Variants in PTCHD4 observed in about 807,000 individuals in gnomAD.
The protein encoded by PTCHD4 is patched domain containing 4.
Under a neutral mutation model 58.1 loss-of-function variants are expected in PTCHD4, and 33 were observed. That is an observed-to-expected ratio of 0.57 (90% CI 0.43 to 0.76). The LOEUF (loss-of-function observed/expected upper bound fraction) is 0.76. Ranked by LOEUF, PTCHD4 falls within the 30% of genes least tolerant of loss-of-function variation. The probability of loss-of-function intolerance (pLI) is 0.00; values close to 1 mark genes in which losing one functional copy is unlikely to be tolerated. For missense variants in PTCHD4, 1,058 were observed against 1,027.1 expected, an observed-to-expected ratio of 1.03 and a Z score of -0.41; for synonymous variants, 478 against 409.6, an observed-to-expected ratio of 1.17 and a Z score of -2.02.
chr6:47,960,811 G>A (rs1767056288), intron 4 of PTCHD4, among the ~76,000 whole-genome samples: 1 of 151,744 alleles, frequency 6.6e-6, no homozygotes, highest in Non-Finnish European at 1.5e-5. Context: ...AAAAAGAACT[G>A]CAAAGAGATA....
intron 3 of PTCHD4, among the ~76,000 whole-genome samples, chr6:48,016,275 T>C (rs1762866429): frequency 6.6e-6 from 1 of 151,990 alleles, no homozygotes; most frequent in African/African-American, 2.4e-5. Context: ...CAGCAGGGCC[T>C]CTTCAGTAAA....
intron 4 of PTCHD4, among the ~76,000 whole-genome samples, chr6:47,942,040 G>T (rs991452846): frequency 2.0e-5 from 3 of 152,152 alleles, no homozygotes; most frequent in Admixed American, 6.6e-5. Flanking sequence ...TTTTCCCAGT[G>T]CAGGAAGCTC....
At chr6:47,966,159 C>A (rs1767283396) in intron 4 of PTCHD4, among the ~76,000 whole-genome samples, 1 of 152,130 alleles carries the variant, frequency 6.6e-6, no homozygotes, top group East Asian at 1.9e-4. Flanking sequence ...GTGAAAGATT[C>A]ATTTGGTCAT....
chr6:48,068,703 C>A lies in PTCHD4; in HGVS notation c.6-62G>T, dbSNP rs1327542950. The A allele has an allele frequency of 5.5e-6, 8 of 1,455,700 alleles. No homozygotes were observed. Among genetic ancestry groups the A allele is most frequent in the Admixed American group, 2.2e-5 (1 of 45,932 alleles). 90.2% of individuals were successfully genotyped at this position (1,455,700 alleles called of 1,614,324 possible). On this transcript the variant is annotated intron_variant, in intron 2 of 4. Transcript: ENST00000339488. The surrounding 1 kb of genome is among the most constrained non-coding windows in gnomAD (Gnocchi z 4.2). ...TACCCCGTTCTCCCCCATCCCACCC[C>A]CTGGGGCCAGTCCCCCCTCCCCACC...
At position 47,872,245 on chromosome 6, in the gene PTCHD4, C is replaced by T. The variant is rs530302000; in HGVS notation, c.*6058G>A. Among the ~76,000 whole-genome samples the T allele has an allele frequency of 2.0e-5, 3 of 151,728 alleles. No homozygotes were observed. The highest frequency in any genetic ancestry group is 1.9e-4 in the East Asian group (1 of 5,138). On this transcript the variant is annotated 3_prime_UTR_variant, in exon 5 of 5. Coordinates refer to ENST00000339488, the MANE Select transcript of PTCHD4 (RefSeq NM_001384253.1). ...TGAAAAGTTATACATTTTTATTAAA[C>T]ACCAGTAATCTTTCGTCCATGAGAG...
At chr6:47,886,298 T>TA (rs1764193958) in intron 4 of PTCHD4, among the ~76,000 whole-genome samples, 2 of 152,290 alleles carry the variant, frequency 1.3e-5, no homozygotes, top group South Asian at 4.1e-4. Flanking sequence ...TGCTCTCTAC[T>TA]GAGTTTTTCT....
intron 4 of PTCHD4, among the ~76,000 whole-genome samples, chr6:47,929,002 G>T (rs17659019): frequency 0.13 from 19,245 of 152,142 alleles, 1,511 homozygotes; most frequent in Non-Finnish European, 0.18. Flanking sequence ...CACATCTGAG[G>T]TATAGAGAAT....
At chr6:47,901,903 G>T (rs184808312) in intron 4 of PTCHD4, 12 of 1,303,282 alleles carry the variant, frequency 9.2e-6, no homozygotes, top group Admixed American at 9.2e-5. Context: ...AACTAAATTT[G>T]TTTCTAGCTT....
intron 4 of PTCHD4, among the ~76,000 whole-genome samples, chr6:47,944,156 A>C (rs1766334472): frequency 6.6e-6 from 1 of 152,042 alleles, no homozygotes; most frequent in African/African-American, 2.4e-5. Flanking sequence ...GCATGGTCTA[A>C]AATTAAATAT....
intron 3 of PTCHD4, among the ~76,000 whole-genome samples, chr6:48,055,522 A>G (rs1250865740): frequency 6.6e-6 from 1 of 152,208 alleles, no homozygotes; most frequent in Non-Finnish European, 1.5e-5. Flanking sequence ...GAGATACTCT[A>G]ATAAGATGTG....
intron 3 of PTCHD4, among the ~76,000 whole-genome samples, chr6:48,041,822 T>G (rs1289240029): frequency 6.6e-6 from 1 of 152,076 alleles, no homozygotes; most frequent in African/African-American, 2.4e-5. Flanking sequence ...CATCTTTATT[T>G]TCTTTTTTAC....
chr6:48,036,662 T>G (rs754920426), intron 3 of PTCHD4, among the ~76,000 whole-genome samples: 2 of 151,968 alleles, frequency 1.3e-5, no homozygotes, highest in Non-Finnish European at 2.9e-5. Flanking sequence ...AACACAAGAG[T>G]AGGGATGCTG....
At chr6:47,955,582 G>A (rs533849198) in intron 4 of PTCHD4, among the ~76,000 whole-genome samples, 2 of 152,166 alleles carry the variant, frequency 1.3e-5, no homozygotes, top group East Asian at 1.9e-4. Flanking sequence ...CTTTCAAAAC[G>A]GAATTAGAAA....
intron 4 of PTCHD4, among the ~76,000 whole-genome samples, chr6:48,005,718 T>C (rs1420992078): frequency 1.3e-5 from 2 of 152,200 alleles, no homozygotes; most frequent in Admixed American, 1.3e-4. Flanking sequence ...GACTATAGAT[T>C]AGAGATTTGA....
Position 47,958,574 on chromosome 6 carries a change from C to T in PTCHD4, c.898+50060G>A, listed in dbSNP as rs533237868. 1.1e-4 allele frequency among the ~76,000 whole-genome samples: 17 copies of T among 152,186 alleles called. No individual in the cohort carries two copies. The East Asian group carries it at 1.4e-3, about 12-fold the overall frequency. On this transcript the variant is annotated intron_variant, in intron 4 of 4. Transcript: ENST00000339488. ...ACCTGGTGTACTCCCTGAGTTGAGA[C>T]GGAGCTGAGGGTGTGAGAATACTCA... is the stretch of plus-strand genomic sequence containing the variant.
intron 4 of PTCHD4, among the ~76,000 whole-genome samples, chr6:48,001,706 C>A (rs1475930459): frequency 1.3e-5 from 2 of 152,162 alleles, no homozygotes; most frequent in African/African-American, 4.8e-5. Context: ...TGGGCAAGGA[C>A]TTCATGTCTA....
intron 4 of PTCHD4, among the ~76,000 whole-genome samples, chr6:47,910,449 AT>A (rs1038425987): frequency 1.2e-4 from 18 of 152,178 alleles, no homozygotes; most frequent in African/African-American, 4.1e-4. Context: ...TTGTGTGTTT[AT>A]TTTTTTCCTG....
At chr6:48,014,298 T>C (rs1372709404) in intron 3 of PTCHD4, among the ~76,000 whole-genome samples, 4 of 152,148 alleles carry the variant, frequency 2.6e-5, no homozygotes, top group Non-Finnish European at 5.9e-5. Context: ...TATACTATTT[T>C]GTAAGGGATT....
intron 4 of PTCHD4, among the ~76,000 whole-genome samples, chr6:47,997,271 A>G (rs1768532616): frequency 1.3e-5 from 2 of 152,200 alleles, no homozygotes; most frequent in South Asian, 4.1e-4. Flanking sequence ...TGTGCTAAAA[A>G]GTAGTTTTAC....
Sources: allele counts gnomAD v4.1 joint callset (sites outside exome capture counted in the v4.1 genomes callset), GRCh38; gene constraint gnomAD v4.1.1; non-coding constraint Gnocchi (gnomAD v3.1); transcripts MANE v1.5; gene names NCBI Gene and HGNC (gene_info 2026-07-23, HGNC 2026-07-21).